OTOG: variants seen among roughly 807,000 people sequenced by gnomAD.
The protein encoded by OTOG is otogelin.
In OTOG, 296 loss-of-function variants were observed where a neutral mutation model predicts 313.8. The ratio of observed to expected loss-of-function variants is 0.94; its 90% CI spans 0.86 to 1.04. The LOEUF (loss-of-function observed/expected upper bound fraction) is 1.04, where lower values mean the gene tolerates loss of function less well. Ranked by LOEUF, OTOG falls within the 50% of genes least tolerant of loss-of-function variation. OTOG has a pLI of 0.00. For synonymous variants in OTOG, 1,533 were observed against 1,554.9 expected (o/e 0.99, Z 0.33); for missense variants, 3,948 against 3,840.1 (o/e 1.03, Z -0.74).
intron 32 of OTOG, among the ~76,000 whole-genome samples, chr11:17,603,619 A>G (rs531734926): frequency 3.1e-4 from 47 of 152,128 alleles, no homozygotes; most frequent in African/African-American, 1.1e-3. Context: ...CTCCCTTCCC[A>G]TACTGCTTCT....
At chr11:17,634,005 C>T in intron 43 of OTOG, 64 bp from the exon 44 acceptor site, 1 of 1,502,610 alleles carries the variant, frequency 6.7e-7, no homozygotes, top group East Asian at 2.5e-5. Context: ...CAGGGAGAGT[C>T]TAGCCTGGGA....
At chr11:17,589,451 C>T (rs1852880129) in intron 24 of OTOG, among the ~76,000 whole-genome samples, 1 of 152,226 alleles carries the variant, frequency 6.6e-6, no homozygotes, top group Non-Finnish European at 1.5e-5. Flanking sequence ...AACAGATGAA[C>T]TAAGTGTCCG....
intron 3 of OTOG, among the ~76,000 whole-genome samples, chr11:17,548,418 C>CTTTTTTTTTTTTTTTTTTTTTTTTTTTTT (rs56402246): frequency 1.1e-5 from 1 of 87,620 alleles, no homozygotes; most frequent in Non-Finnish European, 2.1e-5. Flanking sequence ...ATAGTCCACT[C>CTTTTTTTTTTTTTTTTTTTTTTTTTTTTT]TTTTTTTTTT....
intron 31 of OTOG, among the ~76,000 whole-genome samples, chr11:17,601,356 G>A (rs1365292486): frequency 1.3e-5 from 2 of 152,118 alleles, no homozygotes; most frequent in African/African-American, 4.8e-5. Context: ...GCGTTTGTCA[G>A]GCACAAAACG....
chr11:17,605,430 A>G (rs902463911), intron 32 of OTOG, among the ~76,000 whole-genome samples: 2 of 152,176 alleles, frequency 1.3e-5, no homozygotes, highest in Non-Finnish European at 2.9e-5. Flanking sequence ...ACCAACCTTC[A>G]GCGTGCCCCA....
chr11:17,584,816 G>A lies in OTOG; in HGVS notation c.2760-1658G>A, dbSNP rs149636901. Among the ~76,000 whole-genome samples the A allele has an allele frequency of 2.3e-4, 35 of 152,286 alleles. No individual in the cohort carries two copies. The East Asian group carries it at 6.2e-3, about 27-fold the overall frequency. On this transcript the variant is annotated intron_variant, in intron 23 of 55. Transcript: ENST00000399397. ...GCTGGGATTATAAACATGAGCCACC[G>A]CACCAAGCCTGTCAATTGATTTTAT... is the stretch of plus-strand genomic sequence containing the variant.
chr11:17,565,403 C>G (rs1460947046), intron 15 of OTOG, among the ~76,000 whole-genome samples: 2 of 152,184 alleles, frequency 1.3e-5, no homozygotes, highest in Non-Finnish European at 2.9e-5. Context: ...GTGGTATATA[C>G]TATCAACATT....
intron 6 of OTOG, among the ~76,000 whole-genome samples, chr11:17,555,411 A>G (rs1852035741): frequency 6.6e-6 from 1 of 152,006 alleles, no homozygotes; most frequent in Non-Finnish European, 1.5e-5. Flanking sequence ...TGAGTGTGAG[A>G]TGGTGGAGTA....
chr11:17,590,121 G>A (rs7947947), intron 24 of OTOG, among the ~76,000 whole-genome samples: 20,678 of 152,068 alleles, frequency 0.14, 1,595 homozygotes, highest in East Asian at 0.2. Flanking sequence ...CCCATCCATA[G>A]GCAGAGGACT....
chr11:17,643,021 C>T lies in OTOG; in HGVS notation c.8416-440C>T, dbSNP rs552057510. On this transcript the variant is annotated intron_variant, in intron 53 of 55. Transcript: ENST00000399397. ...TCATTATAGAGGAGGAGGGTTTTAA[C>T]GGATACTTGCCCCCATTTTAGAGAT... 9.8e-5 allele frequency among the ~76,000 whole-genome samples: 15 copies of T among 152,318 alleles called. No individual in the cohort carries two copies. In the South Asian group the frequency reaches 1.0e-3, roughly 11 times the overall value.
chr11:17,597,090 A>G, intron 30 of OTOG, 83 bp downstream of exon 30: 1 of 1,474,142 alleles, frequency 6.8e-7, no homozygotes, highest in Admixed American at 2.2e-5. Flanking sequence ...CAGTCTGTCT[A>G]GCATTTACTG....
Position 17,558,559 on chromosome 11 carries a change from G to A in OTOG, c.1018G>A (p.Ala340Thr). 6.4e-7 allele frequency: 1 copy of A among 1,550,486 alleles called. No individual in the cohort carries two copies. Among genetic ancestry groups the A allele is most frequent in the Non-Finnish European group, 8.7e-7 (1 of 1,146,998 alleles). Residue 340 changes from alanine to threonine, a missense_variant, in exon 10 of 56, where the codon GCT becomes ACT. By Grantham distance (58) the Ala-to-Thr change is moderately conservative. Coordinates refer to ENST00000399397, the MANE Select transcript of OTOG (RefSeq NM_001292063.2). ...TMQGVYEQCE[A>T]LLRPPFDACH... is the part of the protein sequence containing the mutation. Reference sequence around the variant, plus strand: ...CTAGGGCGTGTACGAGCAGTGTGAGGCTCTACTGCGGCCCCCCTTTGACGC... The same window carrying A: ...CTAGGGCGTGTACGAGCAGTGTGAGACTCTACTGCGGCCCCCCTTTGACGC...
intron 39 of OTOG, among the ~76,000 whole-genome samples, chr11:17,625,973 T>C (rs918187511): frequency 1.3e-5 from 2 of 152,220 alleles, no homozygotes; most frequent in Admixed American, 6.5e-5. Flanking sequence ...GATTTGATTC[T>C]CATATATGGT....
At chr11:17,548,928 AG>A (rs1479082737) in intron 3 of OTOG, among the ~76,000 whole-genome samples, 1 of 152,118 alleles carries the variant, frequency 6.6e-6, no homozygotes, top group East Asian at 1.9e-4. Context: ...TATGTTGCCC[AG>A]GCTGGTCTTG....
At chr11:17,634,001 G>C in intron 43 of OTOG, 68 bp from the exon 44 acceptor site, 1 of 1,497,846 alleles carries the variant, frequency 6.7e-7, no homozygotes, top group South Asian at 1.3e-5. Flanking sequence ...AAACCAGGGA[G>C]AGTCTAGCCT....
chr11:17,644,719 C>A (rs1848039712), intron 54 of OTOG, among the ~76,000 whole-genome samples: 1 of 151,602 alleles, frequency 6.6e-6, no homozygotes, highest in South Asian at 2.1e-4. Context: ...GAACTTACAA[C>A]AAATTCTGGA....
intron 40 of OTOG, among the ~76,000 whole-genome samples, chr11:17,629,734 G>A (rs890568694): frequency 2.9e-4 from 44 of 152,282 alleles, no homozygotes; most frequent in African/African-American, 1.0e-3. Context: ...GAGAGATTAA[G>A]GGGCTTACCC....
chr11:17,555,056 T>C (rs890441503), intron 6 of OTOG, among the ~76,000 whole-genome samples: 2 of 152,214 alleles, frequency 1.3e-5, no homozygotes, highest in African/African-American at 4.8e-5. Flanking sequence ...CTTAATCACA[T>C]TGAACAGTAA....
At chr11:17,611,814 CTGTGTGTG>C (rs3073108) in intron 36 of OTOG, among the ~76,000 whole-genome samples, 2 of 150,762 alleles carry the variant, frequency 1.3e-5, no homozygotes, top group African/African-American at 4.9e-5. Flanking sequence ...TTGTGAGAAA[CTGTGTGTG>C]TGTGTGTGTG....
Sources: allele counts gnomAD v4.1 joint callset (sites outside exome capture counted in the v4.1 genomes callset), GRCh38; gene constraint gnomAD v4.1.1; transcripts MANE v1.5; gene names NCBI Gene and HGNC (gene_info 2026-07-23, HGNC 2026-07-21).